The following NFS1 variants were observed in gnomAD, a reference collection of about 807,000 sequenced individuals.
NFS1 encodes cysteine desulfurase.
A neutral mutation model predicts 57.3 loss-of-function variants in NFS1; 26 were observed. The observed-to-expected ratio is 0.45, with a 90% CI of 0.33 to 0.63. NFS1 has a LOEUF of 0.63. Ranked by LOEUF, NFS1 falls within the 20% of genes least tolerant of loss-of-function variation. NFS1 has a pLI of 0.02. For missense variants in NFS1, 505 were observed against 605.8 expected, an observed-to-expected ratio of 0.83 and a Z score of 1.75; for synonymous variants, 209 against 216.3, an observed-to-expected ratio of 0.97 and a Z score of 0.30.
chr20:35,694,987 C>T (rs1378408152), intron 4 of NFS1: 1 of 152,048 alleles, frequency 6.6e-6, no homozygotes, highest in Admixed American at 6.6e-5. Context: ...TCACCACCCA[C>T]CCACCTTATT....
chr20:35,692,867 T>G (rs1259547503), intron 4 of NFS1, among the ~76,000 whole-genome samples: 1 of 151,912 alleles, frequency 6.6e-6, no homozygotes, highest in African/African-American at 2.4e-5. Flanking sequence ...CTGGGTGTGG[T>G]AGCAGGCTCC....
At chr20:35,675,937 A>C (rs963845661) in intron 7 of NFS1, 7 of 151,860 alleles carry the variant, frequency 4.6e-5, no homozygotes, top group African/African-American at 1.7e-4. Context: ...TCCAAGATAC[A>C]TTGTTACAAA....
chr20:35,698,263 T>G (rs751058252), intron 2 of NFS1, among the ~76,000 whole-genome samples: 1 of 152,254 alleles, frequency 6.6e-6, no homozygotes, highest in Non-Finnish European at 1.5e-5. Context: ...ACTAATACTA[T>G]AGAGCCTGCG....
At chr20:35,674,166 G>A (rs2034700919) in intron 10 of NFS1, 184 bp downstream of exon 10, 1 of 599,536 alleles carries the variant, frequency 1.7e-6, no homozygotes, top group African/African-American at 1.9e-5. Flanking sequence ...GTCTTCCTAG[G>A]GTGGTAAACT....
chr20:35,670,158 G>C (rs968998286), intron 12 of NFS1, among the ~76,000 whole-genome samples: 1 of 152,196 alleles, frequency 6.6e-6, no homozygotes, highest in African/African-American at 2.4e-5. Context: ...TTTTGTTCTA[G>C]TTCCCAGTTA....
Position 35,680,859 on chromosome 20 carries a change from C to A in NFS1, c.668G>T (p.Ser223Ile). 6.5e-7 allele frequency: 1 copy of A among 1,529,588 alleles called. No homozygotes were observed. The highest frequency in any genetic ancestry group is 8.8e-7 in the Non-Finnish European group (1 of 1,139,232). 94.8% of individuals were successfully genotyped at this position (1,529,588 alleles called of 1,614,324 possible). A position where few individuals can be genotyped will look rare whatever the true frequency, so the allele number is the denominator to read the frequency against. The change falls in exon 7 of 13, where the codon AGT (serine) becomes ATT (isoleucine). Residue 223 changes from serine to isoleucine, a missense_variant. By Grantham distance (142) the Ser-to-Ile change is moderately radical. Coordinates refer to ENST00000374092, the MANE Select transcript of NFS1 (RefSeq NM_021100.5). ...QPIAEIGRIC[S>I]SRKVYFHTDA... The stretch of plus-strand genomic sequence containing the variant: ...AGTATGGAAATATACCTTTCTGGAA[C>A]TGCAAATCCGCCCTGAGGAAACAGA...
intron 4 of NFS1, 101 bp downstream of exon 4, chr20:35,696,276 G>C (rs1433109091): frequency 2.5e-6 from 2 of 795,774 alleles, no homozygotes; most frequent in African/African-American, 3.4e-5. Context: ...ATGGGGTGGG[G>C]ATGGATGGCT....
Position 35,668,960 on chromosome 20 carries a change from C to T in NFS1, c.*662G>A, listed in dbSNP as rs1001470926. The T allele has an allele frequency of 1.3e-5, 2 of 152,166 alleles. No homozygotes were observed. Among genetic ancestry groups the T allele is most frequent in the Non-Finnish European group, 2.9e-5 (2 of 68,026 alleles). 9.4% of individuals were successfully genotyped at this position (152,166 alleles called of 1,614,324 possible). Reference sequence around the variant, plus strand: ...TTTCCCTCAACCTCTCATAAAGTCACAGAGTAAATAGAAGGTGAGTTTATT... The same window carrying T: ...TTTCCCTCAACCTCTCATAAAGTCATAGAGTAAATAGAAGGTGAGTTTATT... On this transcript the variant is annotated 3_prime_UTR_variant, in exon 13 of 13. Coordinates refer to ENST00000374092, the MANE Select transcript of NFS1 (RefSeq NM_021100.5).
Position 35,696,478 on chromosome 20 carries a change from G to C in NFS1, c.325-18C>G, listed in dbSNP as rs201180269. Reference sequence around the variant, plus strand: ...GCTACTTGCTGCAAGCCAAGAAACAGAGATATATAACATCAGTTCCCCAGG... The same window carrying C: ...GCTACTTGCTGCAAGCCAAGAAACACAGATATATAACATCAGTTCCCCAGG... On this transcript the variant is annotated intron_variant, in intron 3 of 12. Coordinates refer to ENST00000374092, the MANE Select transcript of NFS1 (RefSeq NM_021100.5). The C allele has an allele frequency of 2.9e-5, 46 of 1,602,290 alleles. No individual in the cohort carries two copies. The highest frequency in any genetic ancestry group is 3.6e-5 in the Non-Finnish European group (42 of 1,169,450).
chr20:35,674,067 AGAGGCCT>A, intron 10 of NFS1: 1 of 476,192 alleles, frequency 2.1e-6, no homozygotes. Flanking sequence ...CTTCAATTCT[AGAGGCCT>A]GTAACAGAAC....
At chr20:35,675,332 G>T in intron 7 of NFS1, 130 bp from the exon 8 acceptor site, 1 of 1,006,794 alleles carries the variant, frequency 9.9e-7, no homozygotes, top group Non-Finnish European at 1.4e-6. Context: ...AATAAAAAAC[G>T]TTAAGGAAAA....
intron 1 of NFS1, 56 bp from the exon 2 acceptor site, chr20:35,698,646 T>G: frequency 6.5e-7 from 1 of 1,528,476 alleles, no homozygotes; most frequent in Non-Finnish European, 8.8e-7. Flanking sequence ...TATGAACGCA[T>G]GGCATCCAAA....
chr20:35,690,604 C>CA (rs772409321), intron 4 of NFS1, 39 bp from the exon 5 acceptor site: 6 of 1,606,448 alleles, frequency 3.7e-6, no homozygotes, highest in South Asian at 3.3e-5. Context: ...AGAACATACT[C>CA]AGAGAGACAG....
chr20:35,675,240 G>A lies in NFS1; in HGVS notation c.791-38C>T, dbSNP rs750630840. 5.6e-5 allele frequency: 86 copies of A among 1,545,600 alleles called. 1 individual carries two copies. The highest frequency in any genetic ancestry group is 6.7e-5 in the Non-Finnish European group (76 of 1,140,670). On this transcript the variant is annotated intron_variant, in intron 7 of 12. Transcript: ENST00000374092. Reference sequence around the variant, plus strand: ...ATTTGTTACAAAAAACAGAAAGAGAGAAAAGTAGATAAAACAAAATATTTC... The same window carrying A: ...ATTTGTTACAAAAAACAGAAAGAGAAAAAAGTAGATAAAACAAAATATTTC...
At chr20:35,674,191 G>T (rs2034701231) in intron 10 of NFS1, 159 bp downstream of exon 10, 9 of 657,296 alleles carry the variant, frequency 1.4e-5, no homozygotes, top group Non-Finnish European at 2.4e-5. Flanking sequence ...TCTGTACCCA[G>T]CTACCCAGCC....
At chr20:35,691,994 C>T (rs1282724066) in intron 4 of NFS1, among the ~76,000 whole-genome samples, 1 of 151,236 alleles carries the variant, frequency 6.6e-6, no homozygotes, top group Non-Finnish European at 1.5e-5. Flanking sequence ...ACCAGCCTGA[C>T]CAACATGGAA....
intron 10 of NFS1, 41 bp from the exon 11 acceptor site, chr20:35,673,725 C>T (rs375189038): frequency 2.4e-5 from 36 of 1,516,958 alleles, no homozygotes; most frequent in South Asian, 1.0e-4. Context: ...TCATCATCAA[C>T]GTCTACTTTT....
At chr20:35,683,731 G>C (rs540494911) in intron 5 of NFS1, among the ~76,000 whole-genome samples, 2 of 136,156 alleles carry the variant, frequency 1.5e-5, no homozygotes, top group South Asian at 2.4e-4. Context: ...GCAGTGAGCC[G>C]AGATTGCACC....
At chr20:35,684,207 A>G (rs1408453743) in intron 5 of NFS1, among the ~76,000 whole-genome samples, 2 of 151,144 alleles carry the variant, frequency 1.3e-5, no homozygotes, top group Non-Finnish European at 2.9e-5. Flanking sequence ...GGAGAGCGAG[A>G]CCATACTGCC....
Sources: allele counts gnomAD v4.1 joint callset (sites outside exome capture counted in the v4.1 genomes callset), GRCh38; gene constraint gnomAD v4.1.1; transcripts MANE v1.5; gene names NCBI Gene and HGNC (gene_info 2026-07-23, HGNC 2026-07-21).